The following PCDHA4 variants were observed in gnomAD, a reference collection of about 807,000 sequenced individuals.
PCDHA4 encodes the protein protocadherin alpha 4, also known as protocadherin alpha-4.
A neutral mutation model predicts 61.4 loss-of-function variants in PCDHA4; 49 were observed. The ratio of observed to expected loss-of-function variants is 0.80; its 90% CI spans 0.63 to 1.01. The LOEUF (loss-of-function observed/expected upper bound fraction) is 1.01. Ranked by LOEUF, PCDHA4 falls within the 50% of genes least tolerant of loss-of-function variation. The pLI, the probability that PCDHA4 is intolerant of heterozygous loss-of-function variation, is 0.00. For missense variants in PCDHA4, 1,254 were observed against 1,235.8 expected, an observed-to-expected ratio of 1.01 and a Z score of -0.22; for synonymous variants, 590 against 550.3, an observed-to-expected ratio of 1.07 and a Z score of -1.01.
intron 1 of PCDHA4, chr5:140,929,452 T>C: frequency 1.5e-6 from 2 of 1,366,592 alleles, no homozygotes; most frequent in Non-Finnish European, 2.0e-6. Context: ...TTCTTAGCAC[T>C]TCCTGTGCCA....
intron 1 of PCDHA4, chr5:140,850,083 C>G: frequency 6.3e-7 from 1 of 1,596,622 alleles, no homozygotes; most frequent in Non-Finnish European, 8.6e-7. Context: ...GGAGCTGGAG[C>G]TGCTACAGTT....
chr5:140,941,198 T>TC (rs1563184066), intron 1 of PCDHA4, among the ~76,000 whole-genome samples: 3 of 119,812 alleles, frequency 2.5e-5, no homozygotes, highest in African/African-American at 1.0e-4. Flanking sequence ...TTTTTTTCTT[T>TC]CTTCCTTTCT....
intron 1 of PCDHA4, chr5:140,848,372 A>G: frequency 1.7e-6 from 2 of 1,150,006 alleles, no homozygotes; most frequent in South Asian, 3.0e-5. Context: ...AAGAGGCTCA[A>G]TTCTTTTTCA....
chr5:140,976,546 A>G (rs2096722070), intron 1 of PCDHA4, among the ~76,000 whole-genome samples: 1 of 152,086 alleles, frequency 6.6e-6, no homozygotes, highest in Non-Finnish European at 1.5e-5. Context: ...GTAAGACCCT[A>G]TCTCATAAAT....
intron 1 of PCDHA4, chr5:140,825,411 A>C (rs1439734521): frequency 6.8e-6 from 1 of 146,452 alleles, no homozygotes; most frequent in Non-Finnish European, 1.5e-5. Flanking sequence ...TATATATTTT[A>C]TATAATATAT....
intron 1 of PCDHA4, chr5:140,828,787 G>T (rs1769950726): frequency 6.2e-7 from 1 of 1,614,216 alleles, no homozygotes; most frequent in Middle Eastern, 1.6e-4. Flanking sequence ...TGGTCACAGT[G>T]CTGGATGTGA....
chr5:140,870,167 C>G, intron 1 of PCDHA4: 1 of 1,614,134 alleles, frequency 6.2e-7, no homozygotes, highest in Non-Finnish European at 8.5e-7. Flanking sequence ...ACTTCCTTGT[C>G]CCTCCCAGTA....
intron 1 of PCDHA4, chr5:140,828,420 T>C (rs1554131299): frequency 1.2e-6 from 2 of 1,614,068 alleles, no homozygotes. Context: ...GAGGTGATCG[T>C]GGACAGGCCG....
intron 1 of PCDHA4, among the ~76,000 whole-genome samples, chr5:140,935,193 G>A (rs782043966): frequency 3.3e-5 from 5 of 152,122 alleles, no homozygotes; most frequent in Non-Finnish European, 4.4e-5. Flanking sequence ...GTCAGTTGCT[G>A]TTTCTAGGTA....
chr5:140,843,189 G>A (rs200720426), intron 1 of PCDHA4: 5 of 1,595,874 alleles, frequency 3.1e-6, no homozygotes, highest in Non-Finnish European at 4.3e-6. Flanking sequence ...ATCCCGTTCC[G>A]CGTGGGGCTG....
intron 1 of PCDHA4, among the ~76,000 whole-genome samples, chr5:140,931,665 T>C (rs2087667345): frequency 6.6e-6 from 1 of 151,998 alleles, no homozygotes. Flanking sequence ...GGCTGGATAT[T>C]TCCTTATAAA....
chr5:140,841,199 A>G, intron 1 of PCDHA4: 2 of 1,287,918 alleles, frequency 1.6e-6, no homozygotes, highest in South Asian at 3.0e-5. Flanking sequence ...TTTCTCTGAC[A>G]GCATCTGTCT....
chr5:140,877,179 G>A (rs1554169418), intron 1 of PCDHA4: 8 of 1,613,712 alleles, frequency 5.0e-6, no homozygotes, highest in East Asian at 2.2e-5. Flanking sequence ...TGGCGACTCC[G>A]GCTGGCAGCG....
At chr5:140,951,276 T>C (rs1554219829) in intron 1 of PCDHA4, among the ~76,000 whole-genome samples, 1 of 152,200 alleles carries the variant, frequency 6.6e-6, no homozygotes, top group African/African-American at 2.4e-5. Context: ...CTATGTTAGG[T>C]AATTTTGGAT....
At chr5:140,824,994 A>G (rs979959143) in intron 1 of PCDHA4, 3 of 152,118 alleles carry the variant, frequency 2.0e-5, no homozygotes, top group Admixed American at 2.0e-4. Context: ...AAACACATAT[A>G]CATGGTTTAC....
chr5:140,976,171 A>T (rs1356953697), intron 1 of PCDHA4, among the ~76,000 whole-genome samples: 1 of 152,218 alleles, frequency 6.6e-6, no homozygotes, highest in African/African-American at 2.4e-5. Flanking sequence ...TTAGTTTTGT[A>T]TTGTTTTAAA....
intron 1 of PCDHA4, among the ~76,000 whole-genome samples, chr5:140,924,539 C>T (rs1554201995): frequency 6.6e-6 from 1 of 152,050 alleles, no homozygotes; most frequent in African/African-American, 2.4e-5. Flanking sequence ...CCGAGCTACC[C>T]CTCTCCCCAC....
rs1554214039 is a variant in PCDHA4 at position 140,941,214 on chromosome 5, C to CTTTCTTTCTTTCTTTCTTTCTTTCTTT, written c.2386-37735_2386-37734insTTTCTTTCTTTCTTTCTTTCTTTCTTT. ...TTTTTTCTTTCTTCCTTTCTTTCTTCCTTTCTTTCTTTCTTTCTTTCTTTC... is the reference window on the plus strand; with the variant it reads ...TTTTTTCTTTCTTCCTTTCTTTCTTCTTTCTTTCTTTCTTTCTTTCTTTCTTTCTTTCTTTCTTTCTTTCTTTCTTTC... On this transcript the variant is annotated intron_variant, in intron 1 of 3. Coordinates refer to ENST00000530339, the MANE Select transcript of PCDHA4 (RefSeq NM_018907.4). Among the ~76,000 whole-genome samples the CTTTCTTTCTTTCTTTCTTTCTTTCTTT allele has an allele frequency of 4.7e-4, 57 of 122,484 alleles. 1 individual carries two copies. The highest frequency in any genetic ancestry group is 1.6e-3 in the East Asian group (7 of 4,322). The allele number at this position is 122,484 out of a possible 152,430, so 80.4% of individuals were successfully genotyped here.
intron 1 of PCDHA4, chr5:140,825,395 ATATAT>A (rs1166769345): frequency 7.7e-6 from 1 of 130,132 alleles, no homozygotes; most frequent in African/African-American, 3.9e-5. Context: ...TATATATCTA[ATATAT>A]TATATATTTT....
Sources: gnomAD v4.1 joint callset for allele counts (sites outside exome capture counted in the v4.1 genomes callset) on GRCh38, gnomAD v4.1.1 for gene constraint, MANE v1.5 for transcripts, NCBI Gene and HGNC (gene_info 2026-07-23, HGNC 2026-07-21) for gene names.